The following MTUS2 variants were observed in gnomAD, a reference collection of about 807,000 sequenced individuals.
MTUS2 encodes microtubule associated scaffold protein 2, also known as microtubule-associated tumor suppressor candidate 2.
Under a neutral mutation model 114.1 loss-of-function variants are expected in MTUS2, and 40 were observed. The ratio of observed to expected loss-of-function variants is 0.35; its 90% confidence interval spans 0.27 to 0.46. The LOEUF is 0.46. Among genes scored for constraint, MTUS2 ranks in the 20% least tolerant of loss-of-function variants. The probability of loss-of-function intolerance (pLI) is 1.00; values close to 1 mark genes in which losing one functional copy is unlikely to be tolerated. For synonymous variants in MTUS2, 688 were observed against 672.0 expected (o/e 1.02, Z -0.37); for missense variants, 1,679 against 1,705.4 (o/e 0.98, Z 0.27).
At chr13:29,233,575 A>C (rs2139369414) in intron 5 of MTUS2, among the ~76,000 whole-genome samples, 1 of 152,372 alleles carries the variant, frequency 6.6e-6, no homozygotes, top group South Asian at 2.1e-4. Context: ...TGCCAATAAC[A>C]AGCTAAAATT....
Position 29,400,314 on chromosome 13 carries a change from G to C in MTUS2, c.3118-39669G>C, listed in dbSNP as rs17073330. 3.3e-5 allele frequency among the ~76,000 whole-genome samples: 5 copies of C among 152,216 alleles called. No individual in the cohort carries two copies. The South Asian group carries it at 1.0e-3, about 32-fold the overall frequency. ...ACATGTATCTATATAAGTGGTCAGC[G>C]GTGTACAGCATGCGTGAAGAGCTCC... On this transcript the variant is annotated intron_variant, in intron 8 of 15. Transcript: ENST00000612955.
rs373462899 is a variant in MTUS2 at position 29,086,602 on chromosome 13, TG to T, written c.2447-14167del. On this transcript the variant is annotated intron_variant, in intron 4 of 15. Coordinates refer to ENST00000612955, the MANE Select transcript of MTUS2 (RefSeq NM_001033602.4). ...TTTTGCTTAGGATTGCTTTGGCTATTGGGGCTCTTTTTTGGTTCCATATGAA... is the reference window on the plus strand; with the variant it reads ...TTTTGCTTAGGATTGCTTTGGCTATTGGGCTCTTTTTTGGTTCCATATGAA... Among the ~76,000 whole-genome samples the T allele has an allele frequency of 7.9e-4, 121 of 152,286 alleles. 5 individuals are homozygous for T. In the East Asian group the frequency reaches 0.022, roughly 28 times the overall value.
At chr13:29,317,899 G>C (rs537085498) in intron 6 of MTUS2, among the ~76,000 whole-genome samples, 4 of 152,244 alleles carry the variant, frequency 2.6e-5, no homozygotes, top group African/African-American at 9.6e-5. Context: ...TGTCTTTTCT[G>C]ATTACATCAT....
In MTUS2 at chr13:29,505,274, A is replaced by G. The variant is rs1808555314; in HGVS notation, c.*2068A>G. 4.3e-6 allele frequency: 1 copy of G among 231,546 alleles called. No individual in the cohort carries two copies. The highest frequency in any genetic ancestry group is 6.1e-5 in the East Asian group (1 of 16,314). The allele number at this position is 231,546 out of a possible 1,614,324, so 14.3% of individuals were successfully genotyped here. On this transcript the variant is annotated 3_prime_UTR_variant, in exon 16 of 16. Coordinates refer to ENST00000612955, the MANE Select transcript of MTUS2 (RefSeq NM_001033602.4). ...CCGCACCTGCTAAATGCAGTTACAC[A>G]GCAATACTGACTTCCGTGTGATGCT...
intron 5 of MTUS2, among the ~76,000 whole-genome samples, chr13:29,135,793 A>T (rs944537487): frequency 1.3e-5 from 2 of 152,238 alleles, no homozygotes. Context: ...CTTCAATAAC[A>T]TACAAAATCT....
At chr13:29,063,028 A>G (rs1888494810) in intron 4 of MTUS2, among the ~76,000 whole-genome samples, 1 of 152,228 alleles carries the variant, frequency 6.6e-6, no homozygotes, top group Non-Finnish European at 1.5e-5. Context: ...ATCTTGTTTG[A>G]GTGCTCAAAA....
intron 11 of MTUS2, among the ~76,000 whole-genome samples, chr13:29,488,765 G>A (rs1881835498): frequency 6.6e-6 from 1 of 152,174 alleles, no homozygotes; most frequent in Admixed American, 6.5e-5. Context: ...CATTCACCGT[G>A]GGTGTGCGTT....
intron 9 of MTUS2, among the ~76,000 whole-genome samples, chr13:29,445,214 G>C (rs1242648629): frequency 6.6e-6 from 1 of 152,214 alleles, no homozygotes; most frequent in Non-Finnish European, 1.5e-5. Context: ...ATGCCCTAGT[G>C]AGTGCTGTTT....
intron 8 of MTUS2, among the ~76,000 whole-genome samples, chr13:29,401,418 G>C (rs757883704): frequency 2.6e-5 from 4 of 152,244 alleles, no homozygotes; most frequent in Non-Finnish European, 5.9e-5. Flanking sequence ...TTATGGGTTT[G>C]ATTCATACTT....
intron 1 of MTUS2, among the ~76,000 whole-genome samples, chr13:28,828,239 C>T (rs1271994455): frequency 6.6e-6 from 1 of 152,170 alleles, no homozygotes; most frequent in Non-Finnish European, 1.5e-5. Context: ...TCTGCCAAGC[C>T]CACAGGCAGC....
At chr13:28,906,270 T>G (rs1880006335) in intron 2 of MTUS2, among the ~76,000 whole-genome samples, 1 of 151,394 alleles carries the variant, frequency 6.6e-6, no homozygotes, top group African/African-American at 2.4e-5. Context: ...TCTGCTCTGA[T>G]TTTAGTTATT....
chr13:28,899,665 C>T (rs1038263153), intron 2 of MTUS2, among the ~76,000 whole-genome samples: 2 of 152,078 alleles, frequency 1.3e-5, no homozygotes, highest in African/African-American at 4.8e-5. Context: ...CCGTCTCGGC[C>T]TCCCAAAGTG....
intron 8 of MTUS2, among the ~76,000 whole-genome samples, chr13:29,389,315 ATACACATATGTGTG>A (rs1872891362): frequency 7.7e-6 from 1 of 129,382 alleles, no homozygotes; most frequent in East Asian, 2.2e-4. Flanking sequence ...GTATATATGT[ATACACATATGTGTG>A]TATATATGTA....
At chr13:29,164,074 T>C (rs1008668121) in intron 5 of MTUS2, among the ~76,000 whole-genome samples, 3 of 152,134 alleles carry the variant, frequency 2.0e-5, no homozygotes, top group Non-Finnish European at 4.4e-5. Flanking sequence ...CCCGAGAGAA[T>C]AGAAGATCCA....
At chr13:29,431,605 G>A (rs1202289561) in intron 8 of MTUS2, among the ~76,000 whole-genome samples, 2 of 152,214 alleles carry the variant, frequency 1.3e-5, no homozygotes, top group African/African-American at 2.4e-5. Context: ...CATAGGCAAG[G>A]TTTCTTGGCA....
chr13:29,479,733 T>C (rs895845866), intron 9 of MTUS2, among the ~76,000 whole-genome samples: 2 of 152,216 alleles, frequency 1.3e-5, no homozygotes, highest in African/African-American at 4.8e-5. Context: ...AAAGTTGAGA[T>C]CCTGAATTCC....
intron 8 of MTUS2, among the ~76,000 whole-genome samples, chr13:29,383,252 G>GTGTGTGTGTGTGTGTGTATT (rs5802519): frequency 0.018 from 2,502 of 135,886 alleles, 62 homozygotes; most frequent in Non-Finnish European, 0.026. Flanking sequence ...GTGTGTGTGT[G>GTGTGTGTGTGTGTGTGTATT]TATTTATTTT....
intron 8 of MTUS2, among the ~76,000 whole-genome samples, chr13:29,404,255 G>A (rs1874584011): frequency 6.6e-6 from 1 of 152,120 alleles, no homozygotes; most frequent in Admixed American, 6.5e-5. Flanking sequence ...GGAGGCTGAG[G>A]TGGGAGGATC....
chr13:28,827,964 C>T (rs1566161393), intron 1 of MTUS2, among the ~76,000 whole-genome samples: 2 of 152,108 alleles, frequency 1.3e-5, no homozygotes, highest in African/African-American at 4.8e-5. Flanking sequence ...TATCAGGAGA[C>T]AGGGTTTGAG....
Sources: allele counts gnomAD v4.1 joint callset (sites outside exome capture counted in the v4.1 genomes callset), GRCh38; gene constraint gnomAD v4.1.1; transcripts MANE v1.5; gene names NCBI Gene and HGNC (gene_info 2026-07-23, HGNC 2026-07-21).